The following TMEM266 variants were observed in gnomAD, a reference collection of about 807,000 sequenced individuals.
TMEM266 encodes the protein Hv1 related protein 1.
TMEM266 carries 33 observed loss-of-function variants against 50.5 expected under a neutral mutation model. The observed-to-expected ratio is 0.65, with a 90% CI of 0.50 to 0.87. The LOEUF is 0.87. Among genes scored for constraint, TMEM266 ranks in the 40% least tolerant of loss-of-function variants. The pLI is 0.00. For synonymous variants in TMEM266, 310 were observed against 292.3 expected (o/e 1.06, Z -0.62); for missense variants, 655 against 695.1 (o/e 0.94, Z 0.65).
At chr15:76,158,774 C>G (rs972990065) in intron 4 of TMEM266, among the ~76,000 whole-genome samples, 1 of 152,198 alleles carries the variant, frequency 6.6e-6, no homozygotes, top group African/African-American at 2.4e-5. Context: ...TCTTCGTTCC[C>G]ACTGGTATTC....
intron 9 of TMEM266, among the ~76,000 whole-genome samples, chr15:76,193,281 TATC>T (rs906305945): frequency 1.3e-5 from 2 of 152,032 alleles, no homozygotes; most frequent in East Asian, 1.9e-4. Flanking sequence ...AGTGCAGTGG[TATC>T]ATAATAGTTC....
chr15:76,156,867 ATGC>A, intron 4 of TMEM266, 109 bp downstream of exon 4: 1 of 1,180,888 alleles, frequency 8.5e-7, no homozygotes. Flanking sequence ...GCCCCCGCCG[ATGC>A]TGCTGCCCAG....
intron 9 of TMEM266, among the ~76,000 whole-genome samples, chr15:76,201,961 G>C (rs1393535459): frequency 6.6e-6 from 1 of 152,158 alleles, no homozygotes; most frequent in African/African-American, 2.4e-5. Flanking sequence ...GTCTGTCCAG[G>C]TCAGTACTAA....
At chr15:76,077,590 A>G (rs1341220452) in intron 1 of TMEM266, among the ~76,000 whole-genome samples, 1 of 152,152 alleles carries the variant, frequency 6.6e-6, no homozygotes, top group Non-Finnish European at 1.5e-5. Flanking sequence ...AGTAAATACC[A>G]TCACAAGAGT....
At chr15:76,097,996 C>T (rs577826594) in intron 1 of TMEM266, among the ~76,000 whole-genome samples, 2 of 152,026 alleles carry the variant, frequency 1.3e-5, no homozygotes, top group Middle Eastern at 3.4e-3. Flanking sequence ...GTTAGGAATT[C>T]GTCTAACCTT....
At chr15:76,143,367 C>T (rs2037709827) in intron 3 of TMEM266, among the ~76,000 whole-genome samples, 1 of 152,154 alleles carries the variant, frequency 6.6e-6, no homozygotes. Flanking sequence ...CAGCCTCGTC[C>T]ACACCATGGA....
chr15:76,085,632 G>C (rs909268008), intron 1 of TMEM266, among the ~76,000 whole-genome samples: 1 of 152,150 alleles, frequency 6.6e-6, no homozygotes, highest in East Asian at 1.9e-4. Flanking sequence ...TTATAAAATG[G>C]TATAGCCACT....
intron 9 of TMEM266, among the ~76,000 whole-genome samples, chr15:76,195,641 A>G (rs1030322648): frequency 3.3e-5 from 5 of 152,004 alleles, no homozygotes; most frequent in African/African-American, 1.2e-4. Context: ...CTGCACCTCA[A>G]CTCACCTGGG....
chr15:76,191,650 GGCTCCTGACTCCCCGTCCAGT>G (rs1390671500), intron 8 of TMEM266: 1 of 285,266 alleles, frequency 3.5e-6, no homozygotes, highest in African/African-American at 2.2e-5. Context: ...TTGCACCCAG[GGCTCCTGACTCCCCGTCCAGT>G]GGCCTTTCCA....
chr15:76,135,802 T>C (rs1274967997), intron 2 of TMEM266, among the ~76,000 whole-genome samples: 1 of 152,224 alleles, frequency 6.6e-6, no homozygotes, highest in Admixed American at 6.5e-5. Flanking sequence ...TAGAAATTAC[T>C]TGGTGAATTC....
chr15:76,109,666 A>C (rs1184639202), intron 1 of TMEM266, among the ~76,000 whole-genome samples: 1 of 151,806 alleles, frequency 6.6e-6, no homozygotes, highest in Non-Finnish European at 1.5e-5. Context: ...GACTCCAATA[A>C]ATTATAAAAG....
chr15:76,166,099 G>T (rs540825719), intron 5 of TMEM266, among the ~76,000 whole-genome samples: 5 of 152,282 alleles, frequency 3.3e-5, no homozygotes, highest in African/African-American at 9.6e-5. Flanking sequence ...GGCAGTCCGT[G>T]GGTTAGTCCA....
At chr15:76,163,194 G>A (rs1233142444) in intron 5 of TMEM266, among the ~76,000 whole-genome samples, 6 of 152,212 alleles carry the variant, frequency 3.9e-5, no homozygotes, top group Non-Finnish European at 7.4e-5. Context: ...CCTCTGCCCC[G>A]GCCTTTGCCC....
chr15:76,165,137 C>G (rs1315072069), intron 5 of TMEM266, among the ~76,000 whole-genome samples: 1 of 152,234 alleles, frequency 6.6e-6, no homozygotes, highest in Non-Finnish European at 1.5e-5. Context: ...GGGCCTGGAC[C>G]AGGTGCAAGG....
At chr15:76,134,389 C>G in intron 2 of TMEM266, 88 bp downstream of exon 2, 1 of 1,418,258 alleles carries the variant, frequency 7.1e-7, no homozygotes, top group South Asian at 1.2e-5. Context: ...TAGGCAGCCA[C>G]TATGTACATT....
intron 9 of TMEM266, among the ~76,000 whole-genome samples, chr15:76,200,736 C>G (rs1316082675): frequency 6.6e-6 from 1 of 152,214 alleles, no homozygotes; most frequent in Non-Finnish European, 1.5e-5. Flanking sequence ...CCAGGCTAGA[C>G]AGCATTGGCA....
intron 8 of TMEM266, among the ~76,000 whole-genome samples, chr15:76,178,383 C>T (rs2038331891): frequency 6.6e-6 from 1 of 152,154 alleles, no homozygotes; most frequent in Non-Finnish European, 1.5e-5. Context: ...CGACTGGAAG[C>T]CGATCAGGCA....
intron 1 of TMEM266, among the ~76,000 whole-genome samples, chr15:76,092,278 A>AT (rs1406496347): frequency 1.3e-5 from 2 of 152,096 alleles, no homozygotes; most frequent in Non-Finnish European, 2.9e-5. Flanking sequence ...TTTAAGAGCA[A>AT]TTTCCCAAAG....
intron 1 of TMEM266, among the ~76,000 whole-genome samples, chr15:76,125,070 C>G (rs763362434): frequency 6.6e-6 from 1 of 151,908 alleles, no homozygotes; most frequent in Non-Finnish European, 1.5e-5. Context: ...ACAAAAGTGC[C>G]AAAAATACAC....
Sources: allele counts gnomAD v4.1 joint callset (sites outside exome capture counted in the v4.1 genomes callset), GRCh38; gene constraint gnomAD v4.1.1; transcripts MANE v1.5; gene names NCBI Gene and HGNC (gene_info 2026-07-23, HGNC 2026-07-21).